Variants in SH3PXD2B observed in about 807,000 individuals in gnomAD.
SH3PXD2B encodes SH3 and PX domain-containing protein 2B.
Under a neutral mutation model 73.1 loss-of-function variants are expected in SH3PXD2B, and 37 were observed. The ratio of observed to expected loss-of-function variants is 0.51; its 90% CI spans 0.39 to 0.67. The LOEUF (loss-of-function observed/expected upper bound fraction) is 0.67, where lower values mean the gene tolerates loss of function less well. SH3PXD2B is among the 30% of genes least tolerant of loss of function. SH3PXD2B has a pLI of 0.00. For missense variants in SH3PXD2B, 1,053 were observed against 1,197.8 expected, an observed-to-expected ratio of 0.88 and a Z score of 1.78; for synonymous variants, 457 against 480.5, an observed-to-expected ratio of 0.95 and a Z score of 0.64.
chr5:172,398,393 TA>T (rs1328343298), intron 3 of SH3PXD2B, among the ~76,000 whole-genome samples: 1 of 152,262 alleles, frequency 6.6e-6, no homozygotes, highest in African/African-American at 2.4e-5. Flanking sequence ...CAGGGAATGC[TA>T]AATAGCCCTA....
chr5:172,399,939 G>A (rs1758389803), intron 3 of SH3PXD2B, among the ~76,000 whole-genome samples: 1 of 152,138 alleles, frequency 6.6e-6, no homozygotes, highest in Non-Finnish European at 1.5e-5. Flanking sequence ...GTGTGTGGAT[G>A]CCTGGAGCTA....
At position 172,439,706 on chromosome 5, in the gene SH3PXD2B, A is replaced by ACG. The variant is rs1759507726; in HGVS notation, c.75+14571_75+14572insCG. ...CGCACGCGCGCGCACACACACACAC[A>ACG]CACACACACACACACACACACACAC... On this transcript the variant is annotated intron_variant, in intron 1 of 12. Coordinates refer to ENST00000311601, the MANE Select transcript of SH3PXD2B (RefSeq NM_001017995.3). Among the ~76,000 whole-genome samples, 8 of 147,122 alleles carry ACG rather than the reference A, an allele frequency of 5.4e-5. 1 individual carries two copies. The highest frequency in any genetic ancestry group is 4.0e-4 in the Admixed American group (6 of 14,980).
chr5:172,401,350 C>G lies in SH3PXD2B; in HGVS notation c.232+4927G>C, dbSNP rs1032516014. The stretch of plus-strand genomic sequence containing the variant: ...AAATTAAAGAAACAAATTTTTGAAG[C>G]CTCTCAAGCTCATTTATCCATTGTG... On this transcript the variant is annotated intron_variant, in intron 3 of 12. Transcript: ENST00000311601. Among the ~76,000 whole-genome samples the G allele has an allele frequency of 1.1e-4, 16 of 152,296 alleles. No individual in the cohort carries two copies. The East Asian group carries it at 3.1e-3, about 29-fold the overall frequency.
intron 1 of SH3PXD2B, among the ~76,000 whole-genome samples, chr5:172,430,138 C>T (rs114173996): frequency 6.6e-6 from 1 of 152,360 alleles, no homozygotes; most frequent in African/African-American, 2.4e-5. Context: ...TAGATTCTTT[C>T]GCTTGGTGCC....
chr5:172,394,680 G>A (rs775727595), intron 3 of SH3PXD2B, 41 bp from the exon 4 acceptor site: 1 of 1,606,754 alleles, frequency 6.2e-7, no homozygotes, highest in Admixed American at 1.7e-5. Flanking sequence ...TCAGGGAACA[G>A]GGACAAGCTC....
intron 6 of SH3PXD2B, among the ~76,000 whole-genome samples, chr5:172,367,390 T>TA (rs1491551789): frequency 2.7e-5 from 1 of 37,162 alleles, no homozygotes; most frequent in Non-Finnish European, 4.4e-5. Flanking sequence ...CTCTCATCAG[T>TA]TTTTTTTTTT....
At chr5:172,356,910 C>A (rs1180686404) in intron 8 of SH3PXD2B, 1 of 152,292 alleles carries the variant, frequency 6.6e-6, no homozygotes, top group Non-Finnish European at 1.5e-5. Flanking sequence ...ATCCAAGCCC[C>A]AGGCATCTTA....
Position 172,439,304 on chromosome 5 carries a change from A to C in SH3PXD2B, c.75+14974T>G, listed in dbSNP as rs75261567. Among the ~76,000 whole-genome samples the C allele has an allele frequency of 8.6e-4, 123 of 142,956 alleles. 1 individual carries two copies. The highest frequency in any genetic ancestry group is 1.8e-3 in the African/African-American group (70 of 38,012). The allele number at this position is 142,956 out of a possible 152,430, so 93.8% of individuals were successfully genotyped here. A position where few individuals can be genotyped will look rare whatever the true frequency, so the allele number is the denominator to read the frequency against. ...AACAAAAAAAAAACCCCAAAAAAAA[A>C]CCACAGGCATCGGCTTTAGAATACC... On this transcript the variant is annotated intron_variant, in intron 1 of 12. Coordinates refer to ENST00000311601, the MANE Select transcript of SH3PXD2B (RefSeq NM_001017995.3).
intron 2 of SH3PXD2B, among the ~76,000 whole-genome samples, chr5:172,412,307 G>C (rs533161069): frequency 6.6e-6 from 1 of 152,166 alleles, no homozygotes; most frequent in African/African-American, 2.4e-5. Flanking sequence ...CCAATCCAGT[G>C]GCCACTAGCC....
Position 172,399,514 on chromosome 5 carries a change from C to T in SH3PXD2B, c.233-4875G>A, listed in dbSNP as rs560278087. On this transcript the variant is annotated intron_variant, in intron 3 of 12. Coordinates refer to ENST00000311601, the MANE Select transcript of SH3PXD2B (RefSeq NM_001017995.3). The stretch of plus-strand genomic sequence containing the variant: ...GAAAACCGCAGGGAAAAGACGTCCG[C>T]GTCAGAGACTGCCCTCAGACGTGGT... 9.9e-5 allele frequency among the ~76,000 whole-genome samples: 15 copies of T among 152,282 alleles called. No homozygotes were observed. In the East Asian group the frequency reaches 1.9e-3, roughly 20 times the overall value.
In SH3PXD2B at chr5:172,334,392, G is replaced by A. The variant is rs982803761; in HGVS notation, c.*3977C>T. The A allele has an allele frequency of 9.1e-5, 90 of 991,438 alleles. No homozygotes were observed. Among genetic ancestry groups the A allele is most frequent in the Non-Finnish European group, 9.7e-5 (81 of 834,656 alleles). 61.4% of individuals were successfully genotyped at this position (991,438 alleles called of 1,614,324 possible). On this transcript the variant is annotated 3_prime_UTR_variant, in exon 13 of 13. Coordinates refer to ENST00000311601, the MANE Select transcript of SH3PXD2B (RefSeq NM_001017995.3). ...AGGGCGCCCTGCACCCTCAGGCCTC[G>A]ATGCATGCTGCTCTACCTCTCATCA...
intron 10 of SH3PXD2B, among the ~76,000 whole-genome samples, chr5:172,349,205 C>T (rs535993483): frequency 4.3e-4 from 65 of 152,346 alleles, no homozygotes; most frequent in African/African-American, 1.4e-3. Context: ...GAGCAAAGTA[C>T]GAAACTTGGT....
At position 172,335,100 on chromosome 5, in the gene SH3PXD2B, T is replaced by C. The variant is rs777481845; in HGVS notation, c.*3269A>G. 4.5e-5 allele frequency: 44 copies of C among 985,686 alleles called. No homozygotes were observed. The African/African-American group carries it at 6.5e-4, about 14-fold the overall frequency. The allele number at this position is 985,686 out of a possible 1,614,324, so 61.1% of individuals were successfully genotyped here. On this transcript the variant is annotated 3_prime_UTR_variant, in exon 13 of 13. Coordinates refer to ENST00000311601, the MANE Select transcript of SH3PXD2B (RefSeq NM_001017995.3). ...AAAGAAAGATTCCGAGCAGAACATG[T>C]GAGCAAAGGCCTCTTTTATCAAGAG...
chr5:172,381,466 T>C (rs550805814), intron 5 of SH3PXD2B, among the ~76,000 whole-genome samples: 32 of 152,282 alleles, frequency 2.1e-4, no homozygotes, highest in African/African-American at 7.7e-4. Flanking sequence ...TTTTATGTGG[T>C]GTGCACTGTG....
chr5:172,435,304 G>A lies in SH3PXD2B; in HGVS notation c.76-12808C>T, dbSNP rs1759348661. On this transcript the variant is annotated intron_variant, in intron 1 of 12. Coordinates refer to ENST00000311601, the MANE Select transcript of SH3PXD2B (RefSeq NM_001017995.3). ...GTCAATTTGAAGAATACTGTATTAG[G>A]AATATATACTGTAGGGAGTTTGTGG... Among the ~76,000 whole-genome samples the A allele has an allele frequency of 2.0e-5, 3 of 152,160 alleles. No homozygotes were observed. In the South Asian group the frequency reaches 6.2e-4, roughly 32 times the overall value.
Position 172,421,450 on chromosome 5 carries a change from T to G in SH3PXD2B, c.156+966A>C, listed in dbSNP as rs1182790190. Among the ~76,000 whole-genome samples, 2 of 152,214 alleles carry G rather than the reference T, an allele frequency of 1.3e-5. No individual in the cohort carries two copies. Among genetic ancestry groups the G allele is most frequent in the Non-Finnish European group, 1.5e-5 (1 of 68,042 alleles). On this transcript the variant is annotated intron_variant, in intron 2 of 12. Coordinates refer to ENST00000311601, the MANE Select transcript of SH3PXD2B (RefSeq NM_001017995.3). The surrounding 1 kb of genome is among the most constrained non-coding windows in gnomAD (Gnocchi z 4.0). ...CTGGACATATACTGTGTGTTAGGCC[T>G]TGAATAAACTATTAAGGACAGACAG...
intron 5 of SH3PXD2B, among the ~76,000 whole-genome samples, chr5:172,378,956 G>C (rs1335632149): frequency 6.6e-6 from 1 of 151,686 alleles, no homozygotes; most frequent in Non-Finnish European, 1.5e-5. Flanking sequence ...TGTAGTCCCA[G>C]CTACTTGGGA....
chr5:172,367,707 C>A (rs377553195), intron 6 of SH3PXD2B, among the ~76,000 whole-genome samples: 1 of 152,294 alleles, frequency 6.6e-6, no homozygotes, highest in African/African-American at 2.4e-5. Flanking sequence ...AAGCCCCAGA[C>A]AATGGGATAT....
intron 5 of SH3PXD2B, among the ~76,000 whole-genome samples, chr5:172,379,513 T>C (rs185730959): frequency 9.0e-4 from 137 of 152,316 alleles, no homozygotes; most frequent in African/African-American, 2.8e-3. Context: ...GTGATATTTT[T>C]GTCATAGCAG....
Sources: allele counts gnomAD v4.1 joint callset (sites outside exome capture counted in the v4.1 genomes callset), GRCh38; gene constraint gnomAD v4.1.1; non-coding constraint Gnocchi (gnomAD v3.1); transcripts MANE v1.5; gene names NCBI Gene and HGNC (gene_info 2026-07-23, HGNC 2026-07-21).